PID1: variants seen among roughly 807,000 people sequenced by gnomAD.
PID1 encodes phosphotyrosine interaction domain containing 1, also known as PTB-containing, cubilin and LRP1-interacting protein.
PID1 carries 10 observed loss-of-function variants against 19.1 expected under a neutral mutation model. That is an observed-to-expected ratio of 0.52 (90% CI 0.32 to 0.89). PID1 has a LOEUF of 0.89. PID1 is among the 40% of genes least tolerant of loss of function. PID1 has a pLI of 0.03. For synonymous variants in PID1, 130 were observed against 116.0 expected, an observed-to-expected ratio of 1.12 and a Z score of -0.78; for missense variants, 248 against 285.3, an observed-to-expected ratio of 0.87 and a Z score of 0.94.
intron 2 of PID1, among the ~76,000 whole-genome samples, chr2:229,146,050 A>C (rs1690122929): frequency 6.6e-6 from 1 of 152,192 alleles, no homozygotes; most frequent in Admixed American, 6.5e-5. Context: ...AAAACTGATG[A>C]ACTGAGAATG....
intron 2 of PID1, among the ~76,000 whole-genome samples, chr2:229,101,477 GA>G (rs534461872): frequency 6.8e-4 from 104 of 152,212 alleles, no homozygotes; most frequent in Non-Finnish European, 1.4e-3. Flanking sequence ...GCCATGCCTT[GA>G]GTGATCAACA....
At chr2:229,087,017 A>T (rs547875478) in intron 2 of PID1, among the ~76,000 whole-genome samples, 1 of 152,242 alleles carries the variant, frequency 6.6e-6, no homozygotes, top group East Asian at 1.9e-4. Flanking sequence ...TTAGCTTTTC[A>T]AATAACTGGA....
intron 2 of PID1, among the ~76,000 whole-genome samples, chr2:229,127,678 A>T (rs900757478): frequency 6.6e-6 from 1 of 152,166 alleles, no homozygotes; most frequent in African/African-American, 2.4e-5. Context: ...CACCCACTAG[A>T]TGCCATTAAT....
At chr2:229,169,622 T>C (rs916896606) in intron 1 of PID1, among the ~76,000 whole-genome samples, 1 of 152,150 alleles carries the variant, frequency 6.6e-6, no homozygotes, top group Non-Finnish European at 1.5e-5. Flanking sequence ...GGTCCTAAGG[T>C]CCTTTCTCTC....
At position 229,186,758 on chromosome 2, in the gene PID1, C is replaced by G. The variant is rs541625672; in HGVS notation, c.31-30794G>C. 6.5e-4 allele frequency among the ~76,000 whole-genome samples: 99 copies of G among 152,316 alleles called. 1 individual carries two copies. Among genetic ancestry groups the G allele is most frequent in the South Asian group, 5.0e-3 (24 of 4,828 alleles). On this transcript the variant is annotated intron_variant, in intron 1 of 2. Transcript: ENST00000392055. ...CATTGTCTTGGGGACTAACTTTTGG[C>G]TCCTCATTACTTATGCAAATTTCTG...
At chr2:229,166,182 A>C (rs968776015) in intron 1 of PID1, among the ~76,000 whole-genome samples, 1 of 152,218 alleles carries the variant, frequency 6.6e-6, no homozygotes, top group Non-Finnish European at 1.5e-5. Context: ...TAAATTATAA[A>C]ACAATTATCC....
chr2:229,073,701 C>T (rs1309647708), intron 2 of PID1, among the ~76,000 whole-genome samples: 2 of 152,130 alleles, frequency 1.3e-5, no homozygotes, highest in Non-Finnish European at 2.9e-5. Flanking sequence ...TCCAAACAAA[C>T]CTTTATTGAA....
intron 1 of PID1, among the ~76,000 whole-genome samples, chr2:229,252,775 A>G (rs1176850243): frequency 6.6e-6 from 1 of 152,184 alleles, no homozygotes; most frequent in Non-Finnish European, 1.5e-5. Flanking sequence ...GATTCCCACA[A>G]GGGGAATACT....
chr2:229,134,935 C>G, intron 2 of PID1, among the ~76,000 whole-genome samples: 1 of 35,326 alleles, frequency 2.8e-5, no homozygotes, highest in African/African-American at 6.4e-5. Flanking sequence ...ATTTTATGTA[C>G]TAACCTATTT....
chr2:229,225,236 T>C (rs1328411057), intron 1 of PID1, among the ~76,000 whole-genome samples: 1 of 152,052 alleles, frequency 6.6e-6, no homozygotes, highest in Non-Finnish European at 1.5e-5. Context: ...ATTAGTAAAA[T>C]GGAGATTGTA....
chr2:229,229,091 G>A (rs1396108376), intron 1 of PID1, among the ~76,000 whole-genome samples: 3 of 152,170 alleles, frequency 2.0e-5, no homozygotes, highest in Non-Finnish European at 4.4e-5. Context: ...GGACAGCTTG[G>A]AGCTATCACT....
chr2:229,221,817 C>T (rs2106259015), intron 1 of PID1, among the ~76,000 whole-genome samples: 1 of 152,328 alleles, frequency 6.6e-6, no homozygotes, highest in South Asian at 2.1e-4. Context: ...CTCCCCATTC[C>T]TCTTAACCAC....
intron 1 of PID1, among the ~76,000 whole-genome samples, chr2:229,237,084 A>G (rs1052255477): frequency 8.5e-5 from 13 of 152,086 alleles, no homozygotes; most frequent in African/African-American, 2.9e-4. Context: ...ATATTACTCC[A>G]TATTAAGAAA....
In PID1 at chr2:229,064,626, T is replaced by C. The variant is rs1322050585; in HGVS notation, c.178-38518A>G. On this transcript the variant is annotated intron_variant, in intron 2 of 2. Coordinates refer to ENST00000392055, the MANE Select transcript of PID1 (RefSeq NM_001100818.2). ...CCAATTTTTGATAAAAAAATTGCCATATTCGAAAGTGAAAAAGCATATTTG... is the reference window on the plus strand; with the variant it reads ...CCAATTTTTGATAAAAAAATTGCCACATTCGAAAGTGAAAAAGCATATTTG... Among the ~76,000 whole-genome samples the C allele has an allele frequency of 2.0e-5, 3 of 152,154 alleles. 1 individual carries two copies. The highest frequency in any genetic ancestry group is 7.2e-5 in the African/African-American group (3 of 41,430).
chr2:229,107,503 CA>C (rs36057425), intron 2 of PID1, among the ~76,000 whole-genome samples: 66,220 of 119,012 alleles, frequency 0.56, 16,069 homozygotes, highest in East Asian at 0.71. Flanking sequence ...AATATATCAC[CA>C]AAAAAAAAAA....
intron 1 of PID1, among the ~76,000 whole-genome samples, chr2:229,254,676 G>A (rs1326056325): frequency 2.0e-5 from 3 of 152,158 alleles, no homozygotes; most frequent in African/African-American, 7.2e-5. Flanking sequence ...TATGACTGGT[G>A]TTCAAGGGGT....
At chr2:229,065,729 A>AAAAAAAAGAAAAG (rs765746020) in intron 2 of PID1, among the ~76,000 whole-genome samples, 2 of 140,738 alleles carry the variant, frequency 1.4e-5, no homozygotes, top group East Asian at 4.3e-4. Flanking sequence ...AAAAAAAAAA[A>AAAAAAAAGAAAAG]AAACAGGTTG....
chr2:229,121,720 A>G (rs1359061213), intron 2 of PID1, among the ~76,000 whole-genome samples: 1 of 152,118 alleles, frequency 6.6e-6, no homozygotes, highest in Non-Finnish European at 1.5e-5. Flanking sequence ...GGGGGGAGGT[A>G]TTTGTTTATT....
chr2:229,251,989 A>G (rs1037021472), intron 1 of PID1, among the ~76,000 whole-genome samples: 66 of 152,010 alleles, frequency 4.3e-4, no homozygotes, highest in Non-Finnish European at 7.8e-4. Context: ...AAGAAAGAAA[A>G]AAAAACACAC....
Sources: allele counts gnomAD v4.1 joint callset (sites outside exome capture counted in the v4.1 genomes callset), GRCh38; gene constraint gnomAD v4.1.1; transcripts MANE v1.5; gene names NCBI Gene and HGNC (gene_info 2026-07-23, HGNC 2026-07-21).